CADPS2: variants seen among roughly 807,000 people sequenced by gnomAD.
CADPS2 encodes the protein calcium dependent secretion activator 2, also known as calcium-dependent secretion activator 2.
A neutral mutation model predicts 172.5 loss-of-function variants in CADPS2; 93 were observed. The observed-to-expected ratio is 0.54, with a 90% CI of 0.46 to 0.64. The LOEUF (loss-of-function observed/expected upper bound fraction) is 0.64, where lower values mean the gene tolerates loss of function less well. CADPS2 is among the 30% of genes least tolerant of loss of function. The pLI is 0.00. For synonymous variants in CADPS2, 546 were observed against 555.2 expected (o/e 0.98, Z 0.23); for missense variants, 1,420 against 1,565.9 (o/e 0.91, Z 1.57).
In CADPS2 at chr7:122,886,192, C is replaced by G. The variant is rs1407624182; in HGVS notation, c.146G>C (p.Gly49Ala). ...CACAGATCTGGCCGCGCCGCCGCCG[C>G]CCGCGCGCCCCGGCGCGTCCCGCCG... The part of the protein sequence containing the change: ...EGRRDAPGRA[G>A]GGGAARSVSP... Residue 49 changes from glycine (G) to alanine (A), a missense_variant, in exon 1 of 30, where the codon GGC (glycine) becomes GCC (alanine). Coordinates refer to ENST00000449022, the MANE Select transcript of CADPS2 (RefSeq NM_017954.11). 4 of 1,469,054 alleles carry G rather than the reference C, an allele frequency of 2.7e-6. No individual in the cohort carries two copies. Among genetic ancestry groups the G allele is most frequent in the African/African-American group, 1.5e-5 (1 of 66,982 alleles). 91.0% of individuals were successfully genotyped at this position (1,469,054 alleles called of 1,614,324 possible).
chr7:122,386,154 T>C, intron 24 of CADPS2: 1 of 503,772 alleles, frequency 2.0e-6, no homozygotes, highest in East Asian at 3.3e-5. Flanking sequence ...GCTGTTAGCC[T>C]TATATATGCG....
At chr7:122,586,388 T>C (rs1017023109) in intron 6 of CADPS2, among the ~76,000 whole-genome samples, 2 of 152,124 alleles carry the variant, frequency 1.3e-5, no homozygotes, top group African/African-American at 2.4e-5. Context: ...GAGCACTAGA[T>C]ATAACTTGTG....
chr7:122,721,031 T>G (rs1036253460), intron 2 of CADPS2, among the ~76,000 whole-genome samples: 1 of 152,062 alleles, frequency 6.6e-6, no homozygotes, highest in Non-Finnish European at 1.5e-5. Context: ...AATTTCTGTG[T>G]GCATAATATT....
chr7:122,326,579 C>A (rs1382586846), intron 28 of CADPS2, among the ~76,000 whole-genome samples: 1 of 151,918 alleles, frequency 6.6e-6, no homozygotes, highest in Non-Finnish European at 1.5e-5. Flanking sequence ...TTTTGAAAGA[C>A]AGGAGATTTT....
At chr7:122,476,110 A>G (rs373970321) in intron 12 of CADPS2, among the ~76,000 whole-genome samples, 1 of 152,106 alleles carries the variant, frequency 6.6e-6, no homozygotes, top group East Asian at 1.9e-4. Flanking sequence ...AAATTGGAAG[A>G]TTCTTTTGTA....
intron 6 of CADPS2, among the ~76,000 whole-genome samples, chr7:122,608,766 T>A (rs939252450): frequency 6.6e-6 from 1 of 152,182 alleles, no homozygotes; most frequent in African/African-American, 2.4e-5. Flanking sequence ...AAAAACCCAG[T>A]GTGGCTTCCT....
chr7:122,600,199 G>A (rs529441040), intron 6 of CADPS2, among the ~76,000 whole-genome samples: 1 of 152,184 alleles, frequency 6.6e-6, no homozygotes, highest in South Asian at 2.1e-4. Context: ...ACATGCAGTA[G>A]CTAAGTCAAG....
At chr7:122,636,920 T>A (rs1361118387) in intron 3 of CADPS2, among the ~76,000 whole-genome samples, 3 of 152,174 alleles carry the variant, frequency 2.0e-5, no homozygotes, top group African/African-American at 7.2e-5. Context: ...GAAATTTTCA[T>A]GGACTATATC....
At chr7:122,456,968 G>A (rs572378655) in intron 14 of CADPS2, among the ~76,000 whole-genome samples, 31 of 152,062 alleles carry the variant, frequency 2.0e-4, no homozygotes, top group Admixed American at 3.3e-4. Flanking sequence ...TGAACATCCC[G>A]TCATGATTAT....
intron 2 of CADPS2, among the ~76,000 whole-genome samples, chr7:122,700,973 T>C (rs186346176): frequency 8.5e-4 from 130 of 152,264 alleles, no homozygotes; most frequent in Non-Finnish European, 1.6e-3. Flanking sequence ...CTTTGGAAAC[T>C]AGATTTCCTG....
At chr7:122,826,200 C>T (rs1180120906) in intron 1 of CADPS2, among the ~76,000 whole-genome samples, 1 of 152,142 alleles carries the variant, frequency 6.6e-6, no homozygotes, top group Non-Finnish European at 1.5e-5. Flanking sequence ...CCACCCCAAC[C>T]CAGGAGTGAT....
chr7:122,409,868 C>A (rs1183678691), intron 19 of CADPS2, among the ~76,000 whole-genome samples: 1 of 152,106 alleles, frequency 6.6e-6, no homozygotes, highest in African/African-American at 2.4e-5. Flanking sequence ...AAACCTCCCT[C>A]AGAAATGCAT....
intron 3 of CADPS2, among the ~76,000 whole-genome samples, chr7:122,640,683 G>A (rs2077537167): frequency 6.6e-6 from 1 of 152,098 alleles, no homozygotes; most frequent in Non-Finnish European, 1.5e-5. Context: ...TCTAATCCCA[G>A]CACTTTGGGA....
At chr7:122,500,271 C>T (rs1012988861) in intron 9 of CADPS2, among the ~76,000 whole-genome samples, 2 of 152,032 alleles carry the variant, frequency 1.3e-5, no homozygotes, top group Admixed American at 6.6e-5. Context: ...CTTCATAATA[C>T]GTATAAAATG....
chr7:122,357,603 T>C (rs1026662591), intron 27 of CADPS2, among the ~76,000 whole-genome samples: 7 of 152,200 alleles, frequency 4.6e-5, no homozygotes. Flanking sequence ...GAATAGTTGC[T>C]GTGTTCCAAA....
At chr7:122,405,639 G>A (rs995493395) in intron 20 of CADPS2, among the ~76,000 whole-genome samples, 7 of 151,168 alleles carry the variant, frequency 4.6e-5, no homozygotes, top group East Asian at 2.0e-4. Context: ...CAGCCTGGGC[G>A]ATGGAACAAG....
intron 24 of CADPS2, among the ~76,000 whole-genome samples, chr7:122,380,946 G>C (rs2042927208): frequency 6.6e-6 from 1 of 152,116 alleles, no homozygotes. Context: ...AAAGGGGAGA[G>C]AAGACAGAAA....
intron 11 of CADPS2, among the ~76,000 whole-genome samples, chr7:122,482,309 A>C (rs1406172245): frequency 6.6e-6 from 1 of 152,134 alleles, no homozygotes; most frequent in South Asian, 2.1e-4. Flanking sequence ...GGCAATGTCC[A>C]GAGATATTTT....
chr7:122,345,790 G>A, intron 27 of CADPS2, 109 bp from the exon 28 acceptor site: 2 of 691,726 alleles, frequency 2.9e-6, no homozygotes, highest in Admixed American at 3.0e-5. Context: ...GTCATAACAA[G>A]GAGCTTAAAA....
Sources: gnomAD v4.1 joint callset for allele counts (sites outside exome capture counted in the v4.1 genomes callset) on GRCh38, gnomAD v4.1.1 for gene constraint, MANE v1.5 for transcripts, NCBI Gene and HGNC (gene_info 2026-07-23, HGNC 2026-07-21) for gene names.